The following SPOCK3 variants were observed in gnomAD, a reference collection of about 807,000 sequenced individuals.
The protein encoded by SPOCK3 is SPARC (osteonectin), cwcv and kazal like domains proteoglycan 3.
A neutral mutation model predicts 56.6 loss-of-function variants in SPOCK3; 30 were observed. That is an observed-to-expected ratio of 0.53 (90% CI 0.40 to 0.72). SPOCK3 has a LOEUF of 0.72. Among genes scored for constraint, SPOCK3 ranks in the 30% least tolerant of loss-of-function variants. The probability of loss-of-function intolerance (pLI) is 0.00; values close to 1 mark genes in which losing one functional copy is unlikely to be tolerated. For synonymous variants in SPOCK3, 196 were observed against 183.3 expected, an observed-to-expected ratio of 1.07 and a Z score of -0.56; for missense variants, 527 against 530.0, an observed-to-expected ratio of 0.99 and a Z score of 0.06.
At chr4:167,007,915 T>C (rs1485205977) in intron 3 of SPOCK3, among the ~76,000 whole-genome samples, 1 of 152,098 alleles carries the variant, frequency 6.6e-6, no homozygotes, top group Non-Finnish European at 1.5e-5. Context: ...TAAATATCAC[T>C]CTATTTCAAA....
At chr4:166,802,146 T>C (rs1742670071) in intron 6 of SPOCK3, among the ~76,000 whole-genome samples, 1 of 150,500 alleles carries the variant, frequency 6.6e-6, no homozygotes, top group African/African-American at 2.4e-5. Context: ...AAAAATAAAT[T>C]AGAGAATAAG....
At chr4:167,225,115 C>G (rs1736462594) in intron 2 of SPOCK3, among the ~76,000 whole-genome samples, 1 of 151,976 alleles carries the variant, frequency 6.6e-6, no homozygotes, top group South Asian at 2.1e-4. Context: ...AATATACAAG[C>G]CACATATAAA....
intron 3 of SPOCK3, among the ~76,000 whole-genome samples, chr4:167,037,491 GAAGAA>G (rs1347188484): frequency 2.8e-5 from 1 of 35,616 alleles, no homozygotes; most frequent in Non-Finnish European, 7.8e-5. Flanking sequence ...CAAAAAAGAA[GAAGAA>G]AAAAAAAAAA....
chr4:166,784,549 A>G (rs939964057), intron 7 of SPOCK3, among the ~76,000 whole-genome samples: 8 of 152,108 alleles, frequency 5.3e-5, no homozygotes. Context: ...TCATTTTATT[A>G]CTTGAAATAA....
intron 7 of SPOCK3, among the ~76,000 whole-genome samples, chr4:166,788,259 CA>C (rs1389630357): frequency 5.9e-5 from 9 of 152,018 alleles, no homozygotes; most frequent in African/African-American, 2.2e-4. Flanking sequence ...ATGTAGATGA[CA>C]AGCTTTATTT....
intron 2 of SPOCK3, among the ~76,000 whole-genome samples, chr4:167,123,387 G>A (rs1762016889): frequency 6.6e-6 from 1 of 152,180 alleles, no homozygotes; most frequent in Non-Finnish European, 1.5e-5. Context: ...AGATGGTGGT[G>A]TGGCTTTCTA....
Position 167,050,600 on chromosome 4 carries a change from T to G in SPOCK3, c.235+11892A>C, listed in dbSNP as rs527246187. 4.9e-4 allele frequency among the ~76,000 whole-genome samples: 75 copies of G among 152,144 alleles called. 2 individuals are homozygous for G. The South Asian group carries it at 9.6e-3, about 19-fold the overall frequency. ...ACCCAAACATATTTAGACACACACATTCATAGAAGCACTATTCACAATAGC... is the reference window on the plus strand; with the variant it reads ...ACCCAAACATATTTAGACACACACAGTCATAGAAGCACTATTCACAATAGC... On this transcript the variant is annotated intron_variant, in intron 3 of 10. Transcript: ENST00000357545.
At chr4:166,770,297 T>A (rs1223274424) in intron 7 of SPOCK3, among the ~76,000 whole-genome samples, 2 of 152,194 alleles carry the variant, frequency 1.3e-5, no homozygotes, top group African/African-American at 2.4e-5. Flanking sequence ...AGCTACAGAC[T>A]GGAGCTGTTC....
At position 166,912,714 on chromosome 4, in the gene SPOCK3, T is replaced by C. The variant is rs377741422; in HGVS notation, c.380A>G (p.Gln127Arg). 1 of 1,613,102 alleles carries C rather than the reference T, an allele frequency of 6.2e-7. No homozygotes were observed. The highest frequency in any genetic ancestry group is 1.7e-5 in the Admixed American group (1 of 59,870). ...GGTGGATAATATGGGACCCCTCCAC[T>C]GCCTATGGTCTACTCCTGCTTCTTT... ...RMKEAGVDHR[Q>R]WRGPILSTCK... Residue 127 changes from glutamine to arginine, a missense_variant, in exon 5 of 11, where the codon CAG becomes CGG. Gln to Arg is a conservative substitution (Grantham distance 43). Transcript: ENST00000357545.
chr4:166,942,481 A>AC (rs1025772768), intron 4 of SPOCK3, among the ~76,000 whole-genome samples: 5 of 151,586 alleles, frequency 3.3e-5, no homozygotes, highest in African/African-American at 1.2e-4. Flanking sequence ...TAAAAAAAAA[A>AC]AAAAACAAAA....
intron 2 of SPOCK3, among the ~76,000 whole-genome samples, chr4:167,201,932 A>G (rs891434367): frequency 4.8e-4 from 73 of 152,096 alleles, no homozygotes; most frequent in Non-Finnish European, 8.3e-4. Context: ...ATATATTGTT[A>G]TCATAAACTC....
At chr4:166,835,359 T>C (rs1175914771) in intron 6 of SPOCK3, among the ~76,000 whole-genome samples, 1 of 152,144 alleles carries the variant, frequency 6.6e-6, no homozygotes, top group Non-Finnish European at 1.5e-5. Context: ...TTGTTAGAAA[T>C]ATTCAAAAAC....
chr4:166,864,669 C>T (rs780350798), intron 6 of SPOCK3, among the ~76,000 whole-genome samples: 3 of 152,070 alleles, frequency 2.0e-5, no homozygotes, highest in African/African-American at 4.8e-5. Flanking sequence ...CACAAATAAA[C>T]GAGAAAATCT....
intron 5 of SPOCK3, among the ~76,000 whole-genome samples, chr4:166,894,731 A>T (rs905164181): frequency 1.3e-5 from 2 of 152,158 alleles, no homozygotes; most frequent in African/African-American, 4.8e-5. Context: ...AAAAAAAGTA[A>T]CAAAACCATA....
At chr4:167,022,993 C>T (rs952409669) in intron 3 of SPOCK3, among the ~76,000 whole-genome samples, 1 of 152,012 alleles carries the variant, frequency 6.6e-6, no homozygotes, top group African/African-American at 2.4e-5. Context: ...GGTCTTTCCT[C>T]CAGTCTTCCC....
intron 2 of SPOCK3, among the ~76,000 whole-genome samples, chr4:167,130,377 T>C (rs1580385071): frequency 1.3e-5 from 2 of 152,146 alleles, no homozygotes; most frequent in East Asian, 1.9e-4. Context: ...GAAAAAAGCA[T>C]ATTTTACATA....
At chr4:166,822,880 TA>T (rs1401226610) in intron 6 of SPOCK3, among the ~76,000 whole-genome samples, 1 of 152,046 alleles carries the variant, frequency 6.6e-6, no homozygotes. Context: ...TATCTTCTTT[TA>T]AAAAGTGAGA....
At chr4:167,050,980 GAA>G (rs1367184112) in intron 3 of SPOCK3, among the ~76,000 whole-genome samples, 2 of 152,166 alleles carry the variant, frequency 1.3e-5, no homozygotes, top group Admixed American at 6.5e-5. Context: ...ATGGGAAGAT[GAA>G]AAGAGTCCTG....
intron 2 of SPOCK3, among the ~76,000 whole-genome samples, chr4:167,127,277 C>T (rs1762355974): frequency 6.6e-6 from 1 of 152,056 alleles, no homozygotes; most frequent in Admixed American, 6.6e-5. Context: ...AAAACACACA[C>T]ACATACACAA....
Sources: gnomAD v4.1 joint callset for allele counts (sites outside exome capture counted in the v4.1 genomes callset) on GRCh38, gnomAD v4.1.1 for gene constraint, MANE v1.5 for transcripts, NCBI Gene and HGNC (gene_info 2026-07-23, HGNC 2026-07-21) for gene names.